IQSEC1: variants seen among roughly 807,000 people sequenced by gnomAD.
IQSEC1 encodes IQ motif and Sec7 domain ArfGEF 1, also known as IQ motif and SEC7 domain-containing protein 1.
IQSEC1 carries 31 observed loss-of-function variants against 91.0 expected under a neutral mutation model. The observed-to-expected ratio is 0.34, with a 90% CI of 0.26 to 0.46. The LOEUF (loss-of-function observed/expected upper bound fraction) is 0.46, where lower values mean the gene tolerates loss of function less well. IQSEC1 is among the 20% of genes least tolerant of loss of function. The pLI is 1.00. For synonymous variants in IQSEC1, 699 were observed against 662.6 expected (o/e 1.05, Z -0.84); for missense variants, 1,388 against 1,575.6 (o/e 0.88, Z 2.02).
At chr3:13,118,247 C>A (rs1173892462) in intron 2 of IQSEC1, among the ~76,000 whole-genome samples, 1 of 152,138 alleles carries the variant, frequency 6.6e-6, no homozygotes, top group Non-Finnish European at 1.5e-5. Context: ...CATTTAAAAA[C>A]TTAAATATAA....
chr3:13,080,767 C>A (rs1381012477), intron 2 of IQSEC1, among the ~76,000 whole-genome samples: 3 of 152,186 alleles, frequency 2.0e-5, no homozygotes, highest in Non-Finnish European at 4.4e-5. Flanking sequence ...CTCCCCAGCC[C>A]CCGCCCTGCC....
intron 1 of IQSEC1, among the ~76,000 whole-genome samples, chr3:13,237,932 CA>C: frequency 6.6e-6 from 1 of 152,332 alleles, no homozygotes; most frequent in East Asian, 1.9e-4. Context: ...GAGGCTTGGC[CA>C]GTCCCCAAAT....
chr3:13,030,082 G>A (rs1437514460), intron 1 of IQSEC1, among the ~76,000 whole-genome samples: 1 of 152,138 alleles, frequency 6.6e-6, no homozygotes, highest in Non-Finnish European at 1.5e-5. Context: ...AGGATTACAG[G>A]CGTGAGCCAT....
chr3:13,049,253 C>T (rs932025490), intron 1 of IQSEC1, among the ~76,000 whole-genome samples: 13 of 152,172 alleles, frequency 8.5e-5, no homozygotes, highest in African/African-American at 2.4e-4. Flanking sequence ...GATACCGATA[C>T]GATGCGACGA....
intron 1 of IQSEC1, among the ~76,000 whole-genome samples, chr3:13,248,262 C>G (rs572645618): frequency 1.3e-5 from 2 of 152,202 alleles, no homozygotes; most frequent in South Asian, 4.1e-4. Flanking sequence ...GGGGTTTTCC[C>G]CTTTATCTTC....
At chr3:13,117,082 T>C (rs1167488573) in intron 2 of IQSEC1, among the ~76,000 whole-genome samples, 4 of 151,130 alleles carry the variant, frequency 2.6e-5, no homozygotes, top group Admixed American at 2.0e-4. Context: ...AAATCACATA[T>C]CTGATAAGGA....
At chr3:13,154,661 C>G (rs1707058922) in intron 2 of IQSEC1, among the ~76,000 whole-genome samples, 1 of 150,612 alleles carries the variant, frequency 6.6e-6, no homozygotes, top group South Asian at 2.1e-4. Context: ...ACACTCCACT[C>G]AACAGAACGC....
intron 1 of IQSEC1, among the ~76,000 whole-genome samples, chr3:13,006,968 C>G (rs1189537118): frequency 2.6e-5 from 4 of 152,256 alleles, no homozygotes; most frequent in Admixed American, 2.6e-4. Context: ...AGCTCTGCTA[C>G]CGGCGGGTAT....
At chr3:13,116,562 G>C (rs904371565) in intron 2 of IQSEC1, among the ~76,000 whole-genome samples, 1 of 152,136 alleles carries the variant, frequency 6.6e-6, no homozygotes, top group Non-Finnish European at 1.5e-5. Context: ...ACATGCAAAA[G>C]ATGCAAAAGA....
chr3:12,922,751 T>C lies in IQSEC1; in HGVS notation c.1731-509A>G, dbSNP rs1360742108. On this transcript the variant is annotated intron_variant, in intron 4 of 13. Transcript: ENST00000613206. This position sits in a 1 kb window ranked among gnomAD's most constrained non-coding sequence, Gnocchi z 5.1. ...GTTTTGCAGATGCTTTTCCAGGGACTTGAAAGGGCCATGCACCCTCATCTG... is the reference window on the plus strand; with the variant it reads ...GTTTTGCAGATGCTTTTCCAGGGACCTGAAAGGGCCATGCACCCTCATCTG... Among the ~76,000 whole-genome samples the C allele has an allele frequency of 7.9e-5, 12 of 152,108 alleles. No homozygotes were observed. The East Asian group carries it at 2.3e-3, about 29-fold the overall frequency.
chr3:12,975,815 G>A (rs1475638480), intron 1 of IQSEC1, among the ~76,000 whole-genome samples: 1 of 152,214 alleles, frequency 6.6e-6, no homozygotes, highest in East Asian at 1.9e-4. Flanking sequence ...TGAGAACCCA[G>A]GACTGAGTCC....
intron 2 of IQSEC1, among the ~76,000 whole-genome samples, chr3:13,132,399 C>T (rs986975041): frequency 6.6e-6 from 1 of 152,184 alleles, no homozygotes; most frequent in African/African-American, 2.4e-5. Flanking sequence ...CCAAAAGATC[C>T]CCAGCCTCTG....
intron 3 of IQSEC1, among the ~76,000 whole-genome samples, chr3:12,930,093 C>T (rs187907640): frequency 1.1e-4 from 17 of 152,320 alleles, no homozygotes; most frequent in African/African-American, 3.8e-4. Flanking sequence ...GTGGATTGCA[C>T]GTGGGGAACA....
In IQSEC1 at chr3:12,979,444, G is replaced by A. The variant is rs1334603896; in HGVS notation, c.24-37579C>T. Among the ~76,000 whole-genome samples, 2 of 152,196 alleles carry A rather than the reference G, an allele frequency of 1.3e-5. No individual in the cohort carries two copies. Among genetic ancestry groups the A allele is most frequent in the African/African-American group, 4.8e-5 (2 of 41,444 alleles). On this transcript the variant is annotated intron_variant, in intron 1 of 13. Transcript: ENST00000613206. This position sits in a 1 kb window ranked among gnomAD's most constrained non-coding sequence, Gnocchi z 4.3. Reference sequence around the variant, plus strand: ...CAAGACATAGTGCTACATGAAAAAGGTAAGCTGAAGAATGCTGGATTTGGG... The same window carrying A: ...CAAGACATAGTGCTACATGAAAAAGATAAGCTGAAGAATGCTGGATTTGGG...
intron 1 of IQSEC1, among the ~76,000 whole-genome samples, chr3:13,003,979 C>CT (rs1416025920): frequency 6.6e-6 from 1 of 152,024 alleles, no homozygotes; most frequent in Non-Finnish European, 1.5e-5. Context: ...AGTGATGAGT[C>CT]TGGGTGAATG....
intron 1 of IQSEC1, among the ~76,000 whole-genome samples, chr3:13,066,738 C>T (rs1428442617): frequency 1.3e-5 from 2 of 152,242 alleles, no homozygotes; most frequent in African/African-American, 4.8e-5. Flanking sequence ...CCAGGAGCCG[C>T]TCTGGCAGGT....
Position 12,940,208 on chromosome 3 carries a change from G to A in IQSEC1, c.318+1363C>T, listed in dbSNP as rs1267999643. ...GCCCTGTGTCGGTCCGGCCTAAGTT[G>A]CAAGGCAGCACCGACAGCCAGGTGA... On this transcript the variant is annotated intron_variant, in intron 2 of 13. Transcript: ENST00000613206. This position sits in a 1 kb window ranked among gnomAD's most constrained non-coding sequence, Gnocchi z 4.4. Among the ~76,000 whole-genome samples, 1 of 152,016 alleles carries A rather than the reference G, an allele frequency of 6.6e-6. No homozygotes were observed. Among genetic ancestry groups the A allele is most frequent in the Non-Finnish European group, 1.5e-5 (1 of 68,022 alleles).
chr3:13,200,587 G>A (rs1396719817), intron 1 of IQSEC1, among the ~76,000 whole-genome samples: 1 of 152,232 alleles, frequency 6.6e-6, no homozygotes, highest in Non-Finnish European at 1.5e-5. Flanking sequence ...TGAACGCCTG[G>A]CAGGGAAGTG....
rs575563063 is a variant in IQSEC1 at position 12,976,564 on chromosome 3, A to C, written c.24-34699T>G. On this transcript the variant is annotated intron_variant, in intron 1 of 13. Coordinates refer to ENST00000613206, the MANE Select transcript of IQSEC1 (RefSeq NM_001134382.3). ...CATACATGAAGGGCTCTACGACAAT[A>C]CATGTATGTTCTGTCACTTCTTCCT... Among the ~76,000 whole-genome samples, 32 of 151,066 alleles carry C rather than the reference A, an allele frequency of 2.1e-4. No homozygotes were observed. The South Asian group carries it at 6.7e-3, about 31-fold the overall frequency.
Sources: allele counts gnomAD v4.1 joint callset (sites outside exome capture counted in the v4.1 genomes callset), GRCh38; gene constraint gnomAD v4.1.1; non-coding constraint Gnocchi (gnomAD v3.1); transcripts MANE v1.5; gene names NCBI Gene and HGNC (gene_info 2026-07-23, HGNC 2026-07-21).